Variants in STRBP observed in about 807,000 individuals in gnomAD.
The protein encoded by STRBP is spermatid perinuclear RNA binding protein.
A neutral mutation model predicts 80.1 loss-of-function variants in STRBP; 13 were observed. The ratio of observed to expected loss-of-function variants is 0.16; its 90% CI spans 0.11 to 0.26. The LOEUF is 0.26. STRBP is among the 10% of genes least tolerant of loss of function. The pLI, the probability that STRBP is intolerant of heterozygous loss-of-function variation, is 1.00. For synonymous variants in STRBP, 284 were observed against 291.2 expected, an observed-to-expected ratio of 0.98 and a Z score of 0.25; for missense variants, 485 against 815.2, an observed-to-expected ratio of 0.59 and a Z score of 4.93.
intron 1 of STRBP, among the ~76,000 whole-genome samples, chr9:123,260,725 T>C (rs1056148269): frequency 3.9e-5 from 6 of 151,970 alleles, no homozygotes; most frequent in Admixed American, 6.5e-5. Flanking sequence ...GTAAATTCCC[T>C]ACCAAAAAAA....
chr9:123,213,158 G>GA (rs1313804727), intron 2 of STRBP, among the ~76,000 whole-genome samples: 1 of 152,134 alleles, frequency 6.6e-6, no homozygotes, highest in Non-Finnish European at 1.5e-5. Context: ...GTAGTAGTTT[G>GA]AAAAGCACAG....
intron 2 of STRBP, among the ~76,000 whole-genome samples, chr9:123,223,976 C>T (rs1431269535): frequency 6.6e-6 from 1 of 152,102 alleles, no homozygotes. Flanking sequence ...ACGCAAGGTG[C>T]TCCAGAGATG....
chr9:123,135,131 T>C lies in STRBP; in HGVS notation c.1773+910A>G, dbSNP rs549109587. 5.9e-5 allele frequency among the ~76,000 whole-genome samples: 9 copies of C among 152,330 alleles called. No homozygotes were observed. The South Asian group carries it at 1.9e-3, about 32-fold the overall frequency. On this transcript the variant is annotated intron_variant, in intron 16 of 18. Coordinates refer to ENST00000348403, the MANE Select transcript of STRBP (RefSeq NM_018387.5). ...AGGAACCCCCACCATCAATTAGCTG[T>C]GTTACCACAGGCAAGTATTTCCATT... is the stretch of plus-strand genomic sequence containing the variant.
intron 6 of STRBP, among the ~76,000 whole-genome samples, chr9:123,164,272 C>T (rs1431853940): frequency 1.3e-5 from 2 of 152,106 alleles, no homozygotes; most frequent in African/African-American, 4.8e-5. Flanking sequence ...GACTTGAACT[C>T]CTGACCTCAG....
At chr9:123,241,246 A>G (rs1436409222) in intron 1 of STRBP, among the ~76,000 whole-genome samples, 1 of 152,102 alleles carries the variant, frequency 6.6e-6, no homozygotes, top group Non-Finnish European at 1.5e-5. Flanking sequence ...GCACACCTAT[A>G]ATCTCAGCAC....
chr9:123,227,830 G>C lies in STRBP; in HGVS notation c.-165+9000C>G, dbSNP rs536000866. ...TTCACCCACCTCAGCCTCCCAAAGT[G>C]CTGGGATTACAGGCCACTGCACCCG... On this transcript the variant is annotated intron_variant, in intron 2 of 18. Coordinates refer to ENST00000348403, the MANE Select transcript of STRBP (RefSeq NM_018387.5). Among the ~76,000 whole-genome samples, 11 of 152,162 alleles carry C rather than the reference G, an allele frequency of 7.2e-5. 2 individuals carry two copies. The South Asian group carries it at 2.3e-3, about 32-fold the overall frequency.
At chr9:123,263,661 C>T (rs766257396) in intron 1 of STRBP, among the ~76,000 whole-genome samples, 4 of 152,048 alleles carry the variant, frequency 2.6e-5, no homozygotes, top group African/African-American at 4.8e-5. Flanking sequence ...CATTCCCCCT[C>T]AAATAGAGCA....
At chr9:123,142,987 G>C (rs2036656953) in intron 13 of STRBP, among the ~76,000 whole-genome samples, 1 of 152,122 alleles carries the variant, frequency 6.6e-6, no homozygotes, top group Admixed American at 6.5e-5. Context: ...CCTGGAAGAG[G>C]GCAGAGGTTA....
chr9:123,187,421 A>T (rs756283085), intron 2 of STRBP, among the ~76,000 whole-genome samples: 1 of 152,246 alleles, frequency 6.6e-6, no homozygotes, highest in Non-Finnish European at 1.5e-5. Flanking sequence ...CAGGTTATAT[A>T]AAAATACCTA....
intron 4 of STRBP, among the ~76,000 whole-genome samples, chr9:123,174,246 G>C (rs535585977): frequency 4.6e-5 from 7 of 152,212 alleles, no homozygotes; most frequent in African/African-American, 1.7e-4. Context: ...GACCAACCTG[G>C]GCAACACAGT....
intron 6 of STRBP, among the ~76,000 whole-genome samples, chr9:123,161,286 A>G (rs1272211244): frequency 1.3e-5 from 2 of 152,246 alleles, no homozygotes; most frequent in Non-Finnish European, 2.9e-5. Context: ...CTGTGCACAA[A>G]TACAATGAAA....
At position 123,146,836 on chromosome 9, in the gene STRBP, A is replaced by G; in HGVS notation, c.1338+19T>C. The G allele has an allele frequency of 1.3e-6, 2 of 1,575,062 alleles. No individual in the cohort carries two copies. Among genetic ancestry groups the G allele is most frequent in the Non-Finnish European group, 1.7e-6 (2 of 1,154,184 alleles). On this transcript the variant is annotated intron_variant, in intron 13 of 18. Transcript: ENST00000348403. ...AACATAAAATAAGAAAGCATTGCAA[A>G]GTAAAACAAATACTGTACCTTCACC...
chr9:123,243,956 A>G (rs2040748846), intron 1 of STRBP, among the ~76,000 whole-genome samples: 1 of 152,222 alleles, frequency 6.6e-6, no homozygotes. Flanking sequence ...ACATCCACAC[A>G]AAAGTCCACA....
At chr9:123,244,665 C>T (rs901996099) in intron 1 of STRBP, among the ~76,000 whole-genome samples, 1 of 152,112 alleles carries the variant, frequency 6.6e-6, no homozygotes, top group Admixed American at 6.5e-5. Flanking sequence ...CAAACGCTGG[C>T]AAAGATGTAG....
At chr9:123,140,333 G>A (rs1194715827) in intron 13 of STRBP, among the ~76,000 whole-genome samples, 1 of 152,154 alleles carries the variant, frequency 6.6e-6, no homozygotes, top group African/African-American at 2.4e-5. Context: ...GGTGGCTCAT[G>A]CCTGTAATCC....
chr9:123,147,923 C>A, intron 11 of STRBP, 53 bp from the exon 12 acceptor site: 1 of 1,460,382 alleles, frequency 6.8e-7, no homozygotes, highest in Non-Finnish European at 9.5e-7. Context: ...ATCCCCTTAC[C>A]GTACCATATG....
rs568691310 is a variant in STRBP at position 123,122,632 on chromosome 9, C to T, written c.*2965G>A. 9.5e-7 allele frequency: 1 copy of T among 1,047,348 alleles called. No homozygotes were observed. The highest frequency in any genetic ancestry group is 1.2e-6 in the Non-Finnish European group (1 of 868,850). 64.9% of individuals were successfully genotyped at this position (1,047,348 alleles called of 1,614,324 possible). On this transcript the variant is annotated 3_prime_UTR_variant, in exon 19 of 19. Transcript: ENST00000348403. ...AATCTACTGGACCAATTACCTTGCA[C>T]AAGAGATGGGGTACTCCTGCAGCCT...
At chr9:123,186,968 T>C (rs1232320604) in intron 2 of STRBP, among the ~76,000 whole-genome samples, 1 of 152,088 alleles carries the variant, frequency 6.6e-6, no homozygotes, top group Admixed American at 6.5e-5. Flanking sequence ...TGGGTCTCTG[T>C]TTCCTTTCTT....
intron 2 of STRBP, among the ~76,000 whole-genome samples, chr9:123,195,194 C>T (rs557977022): frequency 6.6e-6 from 1 of 152,252 alleles, no homozygotes; most frequent in South Asian, 2.1e-4. Flanking sequence ...CAAGAGAAGG[C>T]AACTACTTCA....
Sources: allele counts gnomAD v4.1 joint callset (sites outside exome capture counted in the v4.1 genomes callset), GRCh38; gene constraint gnomAD v4.1.1; transcripts MANE v1.5; gene names NCBI Gene and HGNC (gene_info 2026-07-23, HGNC 2026-07-21).